TBXAS1: variants seen among roughly 807,000 people sequenced by gnomAD.
The protein encoded by TBXAS1 is thromboxane A synthase 1.
A neutral mutation model predicts 60.7 loss-of-function variants in TBXAS1; 48 were observed. The observed-to-expected ratio is 0.79, with a 90% CI of 0.63 to 1.01. The LOEUF (loss-of-function observed/expected upper bound fraction) is 1.01. Ranked by LOEUF, TBXAS1 falls within the 50% of genes least tolerant of loss-of-function variation. TBXAS1 has a pLI of 0.00. For synonymous variants in TBXAS1, 287 were observed against 269.7 expected, an observed-to-expected ratio of 1.06 and a Z score of -0.63; for missense variants, 685 against 686.3, an observed-to-expected ratio of 1.00 and a Z score of 0.02.
rs181653517 is a variant in TBXAS1, at chr7:139,884,381, T to C, written c.236+8744T>C. The stretch of plus-strand genomic sequence containing the variant: ...GACATCTCTCTGTAAGATTTTTGCA[T>C]TGGGTGTAAATATCTAAGTAATTCA... On this transcript the variant is annotated intron_variant, in intron 3 of 12. Coordinates refer to ENST00000448866, the MANE Select transcript of TBXAS1 (RefSeq NM_001061.7). 4.2e-3 allele frequency among the ~76,000 whole-genome samples: 636 copies of C among 152,374 alleles called. 2 individuals carry two copies. The highest frequency in any genetic ancestry group is 0.012 in the African/African-American group (508 of 41,588).
At chr7:139,802,291 G>A (rs1010857735) in intron 4 of TBXAS1, among the ~76,000 whole-genome samples, 6 of 151,850 alleles carry the variant, frequency 4.0e-5, no homozygotes, top group Admixed American at 1.3e-4. Context: ...CCATTTTCTC[G>A]TTACAGAATA....
chr7:139,893,555 C>G (rs1215663138), intron 3 of TBXAS1, among the ~76,000 whole-genome samples: 1 of 152,068 alleles, frequency 6.6e-6, no homozygotes, highest in Non-Finnish European at 1.5e-5. Context: ...GTTTATGATT[C>G]TTACTGTGAA....
chr7:139,923,291 C>T (rs1806625001), intron 4 of TBXAS1, among the ~76,000 whole-genome samples: 1 of 152,024 alleles, frequency 6.6e-6, no homozygotes, highest in South Asian at 2.1e-4. Flanking sequence ...TCTGCCACTG[C>T]ACTTCAGCTT....
intron 9 of TBXAS1, among the ~76,000 whole-genome samples, chr7:139,970,454 G>A (rs1160358038): frequency 6.6e-6 from 1 of 152,236 alleles, no homozygotes; most frequent in Non-Finnish European, 1.5e-5. Flanking sequence ...GATACAGCCA[G>A]TCCATGGCCC....
Position 139,778,966 on chromosome 7 carries a change from G to A in TBXAS1, c.-318+495G>A, listed in dbSNP as rs1356329417. ...TAATAGATCATAAAATAAATGCAGC[G>A]GAAGGCAACCAGCTTTCAAAAAGAA... On this transcript the variant is annotated intron_variant, in intron 1 of 16. Coordinates refer to the TBXAS1 transcript ENST00000336425. This position sits in a 1 kb window ranked among gnomAD's most constrained non-coding sequence, Gnocchi z 4.8. 3.3e-5 allele frequency among the ~76,000 whole-genome samples: 5 copies of A among 152,066 alleles called. No individual in the cohort carries two copies. Among genetic ancestry groups the A allele is most frequent in the Admixed American group, 6.6e-5 (1 of 15,266 alleles).
At chr7:139,971,954 G>A (rs187101127) in intron 9 of TBXAS1, among the ~76,000 whole-genome samples, 2 of 152,256 alleles carry the variant, frequency 1.3e-5, no homozygotes, top group Admixed American at 1.3e-4. Flanking sequence ...ACTGCCCCCT[G>A]GGAGCCCCTG....
intron 3 of TBXAS1, among the ~76,000 whole-genome samples, chr7:139,901,326 CAA>C (rs8192825): frequency 8.1e-5 from 10 of 123,234 alleles, no homozygotes; most frequent in Admixed American, 7.9e-5. Context: ...AATATTACTA[CAA>C]AAAAAAAAAA....
At chr7:139,781,519 A>G (rs899791238) in intron 2 of TBXAS1, among the ~76,000 whole-genome samples, 1 of 152,172 alleles carries the variant, frequency 6.6e-6, no homozygotes, top group Non-Finnish European at 1.5e-5. Flanking sequence ...CATGCTATTG[A>G]GAGGCCCACG....
intron 3 of TBXAS1, among the ~76,000 whole-genome samples, chr7:139,877,880 A>G (rs1802370169): frequency 6.6e-6 from 1 of 152,086 alleles, no homozygotes; most frequent in Non-Finnish European, 1.5e-5. Context: ...TGAGTTGGCA[A>G]TGACTTGGAG....
chr7:139,898,944 G>C (rs1288907352), intron 3 of TBXAS1, among the ~76,000 whole-genome samples: 3 of 148,740 alleles, frequency 2.0e-5, no homozygotes. Context: ...TGCAACTGTG[G>C]CACTGCCAGC....
intron 1 of TBXAS1, among the ~76,000 whole-genome samples, chr7:139,832,304 T>C (rs1798759013): frequency 6.6e-6 from 1 of 152,036 alleles, no homozygotes; most frequent in Non-Finnish European, 1.5e-5. Context: ...GACACACTTT[T>C]AGAAATGTGA....
At chr7:140,009,554 C>T (rs907801553) in intron 10 of TBXAS1, among the ~76,000 whole-genome samples, 1 of 150,922 alleles carries the variant, frequency 6.6e-6, no homozygotes, top group Non-Finnish European at 1.5e-5. Flanking sequence ...GCCGCCCCTT[C>T]CCCACACATG....
chr7:140,018,563 C>G (rs1569525680), intron 12 of TBXAS1, among the ~76,000 whole-genome samples: 1 of 152,138 alleles, frequency 6.6e-6, no homozygotes. Context: ...TATCTCCCCC[C>G]CACATCACAC....
At chr7:139,976,424 G>A (rs1171309911) in intron 9 of TBXAS1, among the ~76,000 whole-genome samples, 1 of 152,214 alleles carries the variant, frequency 6.6e-6, no homozygotes. Context: ...CAAATTCCCA[G>A]ATTCTCTGAC....
At chr7:139,800,784 C>T (rs1050737493) in intron 4 of TBXAS1, among the ~76,000 whole-genome samples, 2 of 152,192 alleles carry the variant, frequency 1.3e-5, no homozygotes, top group African/African-American at 4.8e-5. Flanking sequence ...GTGACCTTCT[C>T]ATATTTCCTC....
rs140036657 is a variant in TBXAS1 at position 139,819,616 on chromosome 7, C to T, written c.-79-9696C>T. Among the ~76,000 whole-genome samples the T allele has an allele frequency of 1.7e-3, 260 of 152,276 alleles. 1 individual carries two copies. The highest frequency in any genetic ancestry group is 5.9e-3 in the African/African-American group (244 of 41,546). Reference sequence around the variant, plus strand: ...CTCCCAGGTTCAAGCGATTCTCCTGCCTCAGCCTCCCTAGTAACTGGGATT... The same window carrying T: ...CTCCCAGGTTCAAGCGATTCTCCTGTCTCAGCCTCCCTAGTAACTGGGATT... On this transcript the variant is annotated intron_variant, in intron 4 of 16. Coordinates refer to the TBXAS1 transcript ENST00000336425.
intron 5 of TBXAS1, chr7:139,952,838 C>A (rs1284094071): frequency 3.8e-6 from 3 of 796,894 alleles, no homozygotes; most frequent in African/African-American, 1.7e-5. Context: ...GAATAACCAT[C>A]CATCAGGAAT....
At chr7:139,827,425 A>G (rs578144786), upstream of TBXAS1, among the ~76,000 whole-genome samples, 31 of 152,346 alleles carry the variant, frequency 2.0e-4, no homozygotes, top group African/African-American at 7.5e-4. Context: ...GCAGTTCTGT[A>G]TCTTTTAAGT....
chr7:139,850,341 A>G (rs1044327572), intron 1 of TBXAS1, among the ~76,000 whole-genome samples: 2 of 152,256 alleles, frequency 1.3e-5, no homozygotes, highest in Admixed American at 6.5e-5. Context: ...TGTAATAACA[A>G]TAAGTAGCAA....
Sources: allele counts gnomAD v4.1 joint callset (sites outside exome capture counted in the v4.1 genomes callset), GRCh38; gene constraint gnomAD v4.1.1; non-coding constraint Gnocchi (gnomAD v3.1); transcripts MANE v1.5; gene names NCBI Gene and HGNC (gene_info 2026-07-23, HGNC 2026-07-21).